DENND4A: variants seen among roughly 807,000 people sequenced by gnomAD.
The protein encoded by DENND4A is C-myc promoter-binding protein.
In DENND4A, 70 loss-of-function variants were observed where a neutral mutation model predicts 199.3. The observed-to-expected ratio is 0.35, with a 90% CI of 0.29 to 0.43. The LOEUF (loss-of-function observed/expected upper bound fraction) is 0.43, where lower values mean the gene tolerates loss of function less well. Ranked by LOEUF, DENND4A falls within the 20% of genes least tolerant of loss-of-function variation. DENND4A has a pLI of 1.00. For synonymous variants in DENND4A, 686 were observed against 766.9 expected (o/e 0.89, Z 1.74); for missense variants, 1,723 against 2,255.8 (o/e 0.76, Z 4.78).
intron 9 of DENND4A, among the ~76,000 whole-genome samples, chr15:65,730,178 T>C (rs2075918110): frequency 6.6e-6 from 1 of 152,056 alleles, no homozygotes; most frequent in Non-Finnish European, 1.5e-5. Context: ...ACTGTAATGA[T>C]AATAGTAATA....
intron 1 of DENND4A, among the ~76,000 whole-genome samples, chr15:65,783,079 T>C (rs543633084): frequency 1.1e-4 from 16 of 152,092 alleles, no homozygotes; most frequent in Non-Finnish European, 1.8e-4. Context: ...AATTACCATG[T>C]AATTTAGATC....
At position 65,691,456 on chromosome 15, in the gene DENND4A, T is replaced by C. The variant is rs2076966708; in HGVS notation, c.3138A>G (p.Arg1046=). 1 of 1,612,606 alleles carries C rather than the reference T, an allele frequency of 6.2e-7. No individual in the cohort carries two copies. Among genetic ancestry groups the C allele is most frequent in the Non-Finnish European group, 8.5e-7 (1 of 1,179,352 alleles). ...ISSLEDTNET[R]NIQSRCFRKR... is the part of the protein sequence containing the mutation. ...TCCTGAAGCATCTACTTTGAATGTTTCGTGTTTCATTTGTATCTTCAAGAG... is the reference window on the plus strand; with the variant it reads ...TCCTGAAGCATCTACTTTGAATGTTCCGTGTTTCATTTGTATCTTCAAGAG... Residue 1046 remains arginine, a synonymous_variant, in exon 23 of 33, where the codon CGA becomes CGG. Transcript: ENST00000443035.
At chr15:65,662,724 A>G (rs2141815279) in intron 32 of DENND4A, among the ~76,000 whole-genome samples, 1 of 152,332 alleles carries the variant, frequency 6.6e-6, no homozygotes, top group East Asian at 1.9e-4. Context: ...TGGGGTATGA[A>G]TTATAACAAT....
chr15:65,714,470 A>C (rs1047546369), intron 14 of DENND4A, among the ~76,000 whole-genome samples: 2 of 151,782 alleles, frequency 1.3e-5, no homozygotes, highest in African/African-American at 4.8e-5. Flanking sequence ...TACTTATTTG[A>C]TCAATCTCCC....
rs531087901 is a variant in DENND4A at position 65,774,624 on chromosome 15, C to T, written c.-101-13186G>A. 2.3e-4 allele frequency among the ~76,000 whole-genome samples: 34 copies of T among 150,610 alleles called. No homozygotes were observed. In the East Asian group the frequency reaches 4.1e-3, roughly 18 times the overall value. Reference sequence around the variant, plus strand: ...CAGAGGTTGCTGAGTGAGCTGAGATCGTGCCACTGCACTCCAGCCTGGGCA... The same window carrying T: ...CAGAGGTTGCTGAGTGAGCTGAGATTGTGCCACTGCACTCCAGCCTGGGCA... On this transcript the variant is annotated intron_variant, in intron 1 of 32. Transcript: ENST00000443035.
chr15:65,738,656 T>G, intron 6 of DENND4A, 50 bp downstream of exon 6: 2 of 1,524,676 alleles, frequency 1.3e-6, no homozygotes, highest in South Asian at 2.5e-5. Flanking sequence ...TATAGAAAAC[T>G]TGAAAATGTA....
chr15:65,700,298 TATC>T (rs1447281163), intron 20 of DENND4A, among the ~76,000 whole-genome samples: 2 of 152,134 alleles, frequency 1.3e-5, no homozygotes, highest in Non-Finnish European at 2.9e-5. Context: ...TTAACTGGAT[TATC>T]ATATACTAAA....
At chr15:65,752,151 T>C (rs1271646114) in intron 4 of DENND4A, among the ~76,000 whole-genome samples, 4 of 151,462 alleles carry the variant, frequency 2.6e-5, no homozygotes, top group Admixed American at 6.6e-5. Flanking sequence ...GATATTATTT[T>C]TTTAATTTAA....
chr15:65,660,405 G>A lies in DENND4A; in HGVS notation c.*1446C>T, dbSNP rs937019178. 9.6e-6 allele frequency: 10 copies of A among 1,044,580 alleles called. No homozygotes were observed. Among genetic ancestry groups the A allele is most frequent in the Admixed American group, 2.1e-5 (1 of 47,138 alleles). 64.7% of individuals were successfully genotyped at this position (1,044,580 alleles called of 1,614,324 possible). A position where few individuals can be genotyped will look rare whatever the true frequency, so the allele number is the denominator to read the frequency against. On this transcript the variant is annotated 3_prime_UTR_variant, in exon 33 of 33. Transcript: ENST00000443035. ...CCAAGATACCTCCAGTCCAAGTGTC[G>A]TGGACTCTACTGGCTTTATACACCT...
In DENND4A at chr15:65,736,901, G is replaced by A. The variant is rs529606662; in HGVS notation, c.1040+806C>T. Among the ~76,000 whole-genome samples the A allele has an allele frequency of 8.2e-4, 124 of 151,998 alleles. 3 individuals carry two copies. The highest frequency in any genetic ancestry group is 2.7e-3 in the African/African-American group (111 of 41,466). On this transcript the variant is annotated intron_variant, in intron 7 of 32. Coordinates refer to ENST00000443035, the MANE Select transcript of DENND4A (RefSeq NM_001320835.1). ...TGCTCACTAAAGTTTTTTTAGTTTT[G>A]GAAAAGTTATTTTTCAAAAAAGACA... is the stretch of plus-strand genomic sequence containing the variant.
chr15:65,679,426 TATA>T (rs1393784960), intron 23 of DENND4A, among the ~76,000 whole-genome samples: 2 of 152,080 alleles, frequency 1.3e-5, no homozygotes, highest in South Asian at 2.1e-4. Flanking sequence ...AAGAAATAAT[TATA>T]ATATTTCAGT....
At chr15:65,789,621 G>A (rs777236943) in intron 1 of DENND4A, among the ~76,000 whole-genome samples, 1 of 151,912 alleles carries the variant, frequency 6.6e-6, no homozygotes, top group African/African-American at 2.4e-5. Flanking sequence ...CATCAGAGAA[G>A]GCAAGAATAA....
chr15:65,714,830 A>G (rs2075349179), intron 14 of DENND4A, among the ~76,000 whole-genome samples: 1 of 152,124 alleles, frequency 6.6e-6, no homozygotes. Flanking sequence ...ATGCCTCTCC[A>G]GGAATACTCT....
Position 65,661,811 on chromosome 15 carries a change from T to C in DENND4A, c.*40A>G, listed in dbSNP as rs769328821. 2 of 1,523,756 alleles carry C rather than the reference T, an allele frequency of 1.3e-6. No individual in the cohort carries two copies. The highest frequency in any genetic ancestry group is 1.2e-5 in the South Asian group (1 of 81,422). 94.4% of individuals were successfully genotyped at this position (1,523,756 alleles called of 1,614,324 possible). On this transcript the variant is annotated 3_prime_UTR_variant, in exon 33 of 33. Coordinates refer to ENST00000443035, the MANE Select transcript of DENND4A (RefSeq NM_001320835.1). ...TAAAAGTGTTATTTTATACACTGAC[T>C]ATACAATATACATTGAATGTTTACA...
At chr15:65,731,607 G>A (rs1469293010) in intron 9 of DENND4A, 35 bp downstream of exon 9, 3 of 1,433,308 alleles carry the variant, frequency 2.1e-6, no homozygotes, top group Non-Finnish European at 2.9e-6. Flanking sequence ...ATGCTAGATT[G>A]AGAGAAAAAT....
At chr15:65,755,075 G>T (rs1246892267) in intron 3 of DENND4A, among the ~76,000 whole-genome samples, 1 of 152,108 alleles carries the variant, frequency 6.6e-6, no homozygotes, top group Non-Finnish European at 1.5e-5. Context: ...TCATAAAATG[G>T]AATAAAGTAC....
At chr15:65,770,438 T>C (rs901568662) in intron 1 of DENND4A, among the ~76,000 whole-genome samples, 1 of 152,198 alleles carries the variant, frequency 6.6e-6, no homozygotes, top group Non-Finnish European at 1.5e-5. Context: ...TTACTATTTA[T>C]AGCCATTTCC....
chr15:65,784,240 C>T (rs2077507819), intron 1 of DENND4A, among the ~76,000 whole-genome samples: 1 of 152,138 alleles, frequency 6.6e-6, no homozygotes, highest in African/African-American at 2.4e-5. Flanking sequence ...GAAATGCCAT[C>T]ACAGCCCAGA....
At chr15:65,723,572 C>T (rs1258711633) in intron 11 of DENND4A, among the ~76,000 whole-genome samples, 3 of 151,972 alleles carry the variant, frequency 2.0e-5, no homozygotes, top group African/African-American at 4.8e-5. Flanking sequence ...AAAGCAGTTT[C>T]CCCCTTATCT....
Sources: allele counts gnomAD v4.1 joint callset (sites outside exome capture counted in the v4.1 genomes callset), GRCh38; gene constraint gnomAD v4.1.1; transcripts MANE v1.5; gene names NCBI Gene and HGNC (gene_info 2026-07-23, HGNC 2026-07-21).